The following IGF1R variants were observed in gnomAD, a reference collection of about 807,000 sequenced individuals.
IGF1R encodes insulin-like growth factor 1 receptor.
IGF1R carries 44 observed loss-of-function variants against 144.6 expected under a neutral mutation model. The observed-to-expected ratio is 0.30, with a 90% CI of 0.24 to 0.39. The LOEUF (loss-of-function observed/expected upper bound fraction) is 0.39. Ranked by LOEUF, IGF1R falls within the 10% of genes least tolerant of loss-of-function variation. The pLI, the probability that IGF1R is intolerant of heterozygous loss-of-function variation, is 1.00. For synonymous variants in IGF1R, 795 were observed against 722.8 expected, an observed-to-expected ratio of 1.10 and a Z score of -1.60; for missense variants, 1,355 against 1,833.7, an observed-to-expected ratio of 0.74 and a Z score of 4.77.
intron 2 of IGF1R, among the ~76,000 whole-genome samples, chr15:98,887,200 G>A (rs1482670664): frequency 6.6e-6 from 1 of 152,056 alleles, no homozygotes. Context: ...CCTGTGTATC[G>A]GTTGTGGCAC....
intron 14 of IGF1R, 25 bp from the exon 15 acceptor site, chr15:98,930,210 A>G (rs756858310): frequency 1.3e-6 from 2 of 1,569,288 alleles, no homozygotes; most frequent in Non-Finnish European, 1.8e-6. Flanking sequence ...GGGTTTTGTT[A>G]ACGTGAATTT....
At chr15:98,854,241 A>G (rs1278244814) in intron 2 of IGF1R, among the ~76,000 whole-genome samples, 1 of 152,150 alleles carries the variant, frequency 6.6e-6, no homozygotes, top group Non-Finnish European at 1.5e-5. Context: ...TTGAAGGCAG[A>G]AAGACACTGT....
chr15:98,689,234 CTTTTTTTT>C (rs890361771), intron 1 of IGF1R, among the ~76,000 whole-genome samples: 7 of 100,922 alleles, frequency 6.9e-5, no homozygotes, highest in African/African-American at 1.6e-4. Context: ...AGTTGCACTA[CTTTTTTTT>C]TTTTTTTTTT....
At chr15:98,827,822 C>G (rs765662554) in intron 2 of IGF1R, among the ~76,000 whole-genome samples, 2 of 152,154 alleles carry the variant, frequency 1.3e-5, no homozygotes, top group Admixed American at 6.5e-5. Context: ...ACGTCATGAT[C>G]CACCTGCCTC....
Position 98,964,222 on chromosome 15 carries a change from G to T in IGF1R, c.*6780G>T, listed in dbSNP as rs886051625. On this transcript the variant is annotated 3_prime_UTR_variant, in exon 21 of 21. Coordinates refer to ENST00000650285, the MANE Select transcript of IGF1R (RefSeq NM_000875.5). ...TCTTGTTAAAAAAAAATTTTTTTAA[G>T]TAAGAAAAAAAAAGGTAATAACATG... 4.8e-5 allele frequency: 11 copies of T among 230,614 alleles called. No homozygotes were observed. Among genetic ancestry groups the T allele is most frequent in the Non-Finnish European group, 9.4e-5 (11 of 116,872 alleles). 14.3% of individuals were successfully genotyped at this position (230,614 alleles called of 1,614,324 possible).
chr15:98,788,859 GTACAT>G lies in IGF1R; in HGVS notation c.640+80759_640+80763del, dbSNP rs570350689. On this transcript the variant is annotated intron_variant, in intron 2 of 20. Transcript: ENST00000650285. ...TCTTCATGGTTTTCAGCAAAACTGT[GTACAT>G]TACATTTTTTTCTTTACCATTTCTC... Among the ~76,000 whole-genome samples, 13 of 152,128 alleles carry G rather than the reference GTACAT, an allele frequency of 8.5e-5. No homozygotes were observed. The South Asian group carries it at 1.9e-3, about 22-fold the overall frequency.
chr15:98,760,792 G>C (rs768183329), intron 2 of IGF1R, among the ~76,000 whole-genome samples: 65 of 152,222 alleles, frequency 4.3e-4, no homozygotes, highest in Non-Finnish European at 8.5e-4. Flanking sequence ...GTCCAATTTG[G>C]AGAGTATTAT....
rs2017243773 is a variant in IGF1R at position 98,961,946 on chromosome 15, C to G, written c.*4504C>G. ...AGAAGAGCAGTCACTGTGGAACTAC[C>G]AAATGGCGAGATGCTCGGTGCACAT... On this transcript the variant is annotated 3_prime_UTR_variant, in exon 21 of 21. Transcript: ENST00000650285. 4.3e-6 allele frequency: 1 copy of G among 233,316 alleles called. No individual in the cohort carries two copies. The highest frequency in any genetic ancestry group is 6.0e-5 in the East Asian group (1 of 16,598). The allele number at this position is 233,316 out of a possible 1,614,324, so 14.5% of individuals were successfully genotyped here.
At chr15:98,811,820 G>A (rs963420760) in intron 2 of IGF1R, among the ~76,000 whole-genome samples, 7 of 152,042 alleles carry the variant, frequency 4.6e-5, no homozygotes, top group South Asian at 2.1e-4. Context: ...CAGCTACTCC[G>A]GAGGCTGAGG....
intron 3 of IGF1R, among the ~76,000 whole-genome samples, chr15:98,896,551 G>A (rs45437791): frequency 3.5e-4 from 54 of 152,332 alleles, no homozygotes; most frequent in African/African-American, 1.3e-3. Context: ...TTTGTAGGCT[G>A]TTTCTCCTTT....
rs866368298 is a variant in IGF1R, at chr15:98,961,232, C to G, written c.*3790C>G. On this transcript the variant is annotated 3_prime_UTR_variant, in exon 21 of 21. Transcript: ENST00000650285. ...ACGGCCTCTCCTCTCGTGCACATAC[C>G]TACCGGTTTCCACAACTGGATTTCT... The G allele has an allele frequency of 1.7e-5, 4 of 233,528 alleles. No homozygotes were observed. Among genetic ancestry groups the G allele is most frequent in the African/African-American group, 2.2e-5 (1 of 45,350 alleles). The allele number at this position is 233,528 out of a possible 1,614,324, so 14.5% of individuals were successfully genotyped here.
chr15:98,861,380 T>C (rs894201401), intron 2 of IGF1R, among the ~76,000 whole-genome samples: 38 of 152,298 alleles, frequency 2.5e-4, no homozygotes, highest in African/African-American at 8.9e-4. Flanking sequence ...TCTTTCACCA[T>C]GCTGACCCGC....
At chr15:98,710,817 C>G (rs182366045) in intron 2 of IGF1R, among the ~76,000 whole-genome samples, 19 of 152,112 alleles carry the variant, frequency 1.2e-4, no homozygotes, top group African/African-American at 4.6e-4. Context: ...CAAGCATGTG[C>G]CACCATGCCC....
rs986190516 is a variant in IGF1R at position 98,704,728 on chromosome 15, C to T, written c.95-2834C>T. On this transcript the variant is annotated intron_variant, in intron 1 of 20. Coordinates refer to ENST00000650285, the MANE Select transcript of IGF1R (RefSeq NM_000875.5). The surrounding 1 kb of genome is among the most constrained non-coding windows in gnomAD (Gnocchi z 4.9). ...GAGACCATGAAAAGAAGGGCCAGAG[C>T]GGTGTCCTGCAGAGGGTGGTGTACC... is the stretch of plus-strand genomic sequence containing the variant. 2.6e-5 allele frequency among the ~76,000 whole-genome samples: 4 copies of T among 152,086 alleles called. No individual in the cohort carries two copies. Among genetic ancestry groups the T allele is most frequent in the Non-Finnish European group, 2.9e-5 (2 of 68,018 alleles).
chr15:98,936,175 A>C (rs1392534199), intron 17 of IGF1R, among the ~76,000 whole-genome samples: 1 of 152,160 alleles, frequency 6.6e-6, no homozygotes, highest in Non-Finnish European at 1.5e-5. Context: ...TTCAGGATTG[A>C]TCCAGAGTCA....
chr15:98,732,008 C>A (rs941822663), intron 2 of IGF1R, among the ~76,000 whole-genome samples: 19 of 152,150 alleles, frequency 1.2e-4, no homozygotes, highest in African/African-American at 4.1e-4. Flanking sequence ...GTGCAGCATT[C>A]GTATTCAGCA....
In IGF1R at chr15:98,803,964, C is replaced by T. The variant is rs186503212; in HGVS notation, c.641-87361C>T. ...CTGTACTTTTATACAGCTGGCAGCA[C>T]GGGTTTGTTTGCACCAGCATCCCCA... is the stretch of plus-strand genomic sequence containing the variant. On this transcript the variant is annotated intron_variant, in intron 2 of 20. Transcript: ENST00000650285. Among the ~76,000 whole-genome samples, 67 of 152,280 alleles carry T rather than the reference C, an allele frequency of 4.4e-4. No homozygotes were observed. The South Asian group carries it at 9.9e-3, about 23-fold the overall frequency.
chr15:98,828,774 GT>G (rs200266374), intron 2 of IGF1R, among the ~76,000 whole-genome samples: 33,224 of 123,900 alleles, frequency 0.27, 3,497 homozygotes, highest in Middle Eastern at 0.32. Flanking sequence ...GCTGAGCATG[GT>G]TTTTTTTTTT....
chr15:98,834,074 C>T (rs2057050686), intron 2 of IGF1R, among the ~76,000 whole-genome samples: 1 of 152,208 alleles, frequency 6.6e-6, no homozygotes, highest in South Asian at 2.1e-4. Flanking sequence ...CTTCTTTACC[C>T]TTAATATCCT....
Sources: gnomAD v4.1 joint callset for allele counts (sites outside exome capture counted in the v4.1 genomes callset) on GRCh38, gnomAD v4.1.1 for gene constraint, Gnocchi (gnomAD v3.1) non-coding constraint, MANE v1.5 for transcripts, NCBI Gene and HGNC (gene_info 2026-07-23, HGNC 2026-07-21) for gene names.